ZNF778: variants seen among roughly 807,000 people sequenced by gnomAD.
ZNF778 encodes zinc finger protein 778.
In ZNF778, 37 loss-of-function variants were observed where a neutral mutation model predicts 23.9. The observed-to-expected ratio is 1.54, with a 90% CI of 1.19 to 2.03. The LOEUF (loss-of-function observed/expected upper bound fraction) is 2.03, where lower values mean the gene tolerates loss of function less well. Ranked by LOEUF, ZNF778 falls within the 30% of genes most tolerant of loss-of-function variation. ZNF778 has a pLI of 0.00. For synonymous variants in ZNF778, 483 were observed against 343.9 expected, an observed-to-expected ratio of 1.40 and a Z score of -4.48; for missense variants, 1,297 against 934.4, an observed-to-expected ratio of 1.39 and a Z score of -5.06.
rs1224487256 is a variant in ZNF778 at position 89,223,198 on chromosome 16, G to C, written c.159G>C (p.Gln53His). The C allele has an allele frequency of 6.2e-7, 1 of 1,613,962 alleles. No homozygotes were observed. Among genetic ancestry groups the C allele is most frequent in the Non-Finnish European group, 8.5e-7 (1 of 1,180,002 alleles). Reference protein sequence around the residue: ...TFDDVAVDFTQEEWTLLDPSQ... With the variant: ...TFDDVAVDFTHEEWTLLDPSQ... ...ACGACGTGGCTGTGGACTTCACCCA[G>C]GAGGAATGGACTTTACTGGACCCAT... The change falls in exon 4 of 7, where the codon CAG becomes CAC. Residue 53 changes from glutamine (Q) to histidine (H), a missense_variant. Coordinates refer to ENST00000433976, the MANE Select transcript of ZNF778 (RefSeq NM_001201407.2).
rs61078268 is a variant in ZNF778 at position 89,232,792 on chromosome 16, C to A, written c.*4230C>A. On this transcript the variant is annotated 3_prime_UTR_variant, in exon 7 of 7. Coordinates refer to ENST00000433976, the MANE Select transcript of ZNF778 (RefSeq NM_001201407.2). ...TACAAATCAACTCACTGCATATGCA[C>A]ATCAACTCACTGCATATGCAACTCA... is the stretch of plus-strand genomic sequence containing the variant. 0.88 allele frequency: 1,123,148 copies of A among 1,271,864 alleles called. 497,782 individuals carry two copies. The highest frequency in any genetic ancestry group is 0.91 in the Non-Finnish European group (887,132 of 978,206). 78.8% of individuals were successfully genotyped at this position (1,271,864 alleles called of 1,614,324 possible).
chr16:89,221,179 G>A, intron 2 of ZNF778, 27 bp downstream of exon 2: 1 of 1,540,210 alleles, frequency 6.5e-7, no homozygotes, highest in Non-Finnish European at 8.7e-7. Context: ...CTCCTTCTCA[G>A]AGCCTCTGCT....
chr16:89,220,758 G>T (rs1321112821), intron 1 of ZNF778, among the ~76,000 whole-genome samples: 6 of 152,174 alleles, frequency 3.9e-5, no homozygotes, highest in Non-Finnish European at 8.8e-5. Context: ...CATGTTATCT[G>T]AATCCAGGCT....
Position 89,232,565 on chromosome 16 carries a change from G to T in ZNF778, c.*4003G>T. ...CTTAGGGCAACTTATGCCCTCCTGT[G>T]TGAAAATCTCCACTCCCAATGTCTG... On this transcript the variant is annotated 3_prime_UTR_variant, in exon 7 of 7. Transcript: ENST00000433976. 1 of 1,139,072 alleles carries T rather than the reference G, an allele frequency of 8.8e-7. No individual in the cohort carries two copies. The highest frequency in any genetic ancestry group is 1.6e-5 in the South Asian group (1 of 62,294). 70.6% of individuals were successfully genotyped at this position (1,139,072 alleles called of 1,614,324 possible).
intron 1 of ZNF778, among the ~76,000 whole-genome samples, chr16:89,220,202 C>T (rs898902460): frequency 5.9e-5 from 9 of 152,270 alleles, no homozygotes; most frequent in South Asian, 4.1e-4. Context: ...TCGCCCCCGC[C>T]GACACCTAGT....
At chr16:89,218,566 T>C (rs997899648) in intron 1 of ZNF778, among the ~76,000 whole-genome samples, 1 of 151,416 alleles carries the variant, frequency 6.6e-6, no homozygotes, top group African/African-American at 2.4e-5. Context: ...CCGAGGCGGG[T>C]GGATCACGAG....
intron 1 of ZNF778, among the ~76,000 whole-genome samples, chr16:89,220,159 C>G (rs1458259478): frequency 6.6e-6 from 1 of 152,178 alleles, no homozygotes; most frequent in Admixed American, 6.5e-5. Flanking sequence ...ACAACAAAGT[C>G]AACACATTTG....
chr16:89,218,334 C>G (rs926738176), intron 1 of ZNF778: 1 of 152,228 alleles, frequency 6.6e-6, no homozygotes, highest in African/African-American at 2.4e-5. Context: ...CATGTTTTCT[C>G]TCTCCCCCAA....
chr16:89,226,869 G>A lies in ZNF778; in HGVS notation c.581G>A (p.Gly194Glu). ...IPCQKTLFKIGEQFSVLGQCG... is the reference protein window; with the variant it reads ...IPCQKTLFKIEEQFSVLGQCG... The stretch of plus-strand genomic sequence containing the variant: ...TGCCAGAAAACCTTGTTCAAAATTG[G>A]AGAGCAGTTTTCCGTGTTGGGTCAG... Residue 194 changes from glycine to glutamate, a missense_variant, in exon 7 of 7, where the codon GGA (glycine) becomes GAA (glutamate). By Grantham distance (98) the Gly-to-Glu change is moderately conservative. Transcript: ENST00000433976. 6.2e-7 allele frequency: 1 copy of A among 1,614,022 alleles called. No individual in the cohort carries two copies. The highest frequency in any genetic ancestry group is 8.5e-7 in the Non-Finnish European group (1 of 1,179,900).
chr16:89,226,962 T>C lies in ZNF778; in HGVS notation c.674T>C (p.Leu225Pro). 6.2e-7 allele frequency: 1 copy of C among 1,614,046 alleles called. No individual in the cohort carries two copies. The highest frequency in any genetic ancestry group is 8.5e-7 in the Non-Finnish European group (1 of 1,179,904). ...CAAGCATGCACTCGGGACAGATCTC[T>C]TGACTACAGCAGCTGTGGGGAAGTG... is the stretch of plus-strand genomic sequence containing the variant. The part of the protein sequence containing the change: ...SQQACTRDRS[L>P]DYSSCGEVFL... Residue 225 changes from leucine to proline, a missense_variant, in exon 7 of 7, where the codon CTT (leucine) becomes CCT (proline). Leu to Pro is a moderately conservative substitution (Grantham distance 98). Transcript: ENST00000433976.
rs541785140 is a variant in ZNF778, at chr16:89,221,088, C to T, written c.-40C>T. 3.8e-6 allele frequency: 6 copies of T among 1,559,962 alleles called. No homozygotes were observed. The East Asian group carries it at 1.4e-4, about 37-fold the overall frequency. Reference sequence around the variant, plus strand: ...AGCTGCCCTGCAGTGGCCTTGGCTTCAGGAAAGGAGCATTCAGACGCTTCC... The same window carrying T: ...AGCTGCCCTGCAGTGGCCTTGGCTTTAGGAAAGGAGCATTCAGACGCTTCC... On this transcript the variant is annotated 5_prime_UTR_variant, in exon 2 of 7. Transcript: ENST00000433976.
Position 89,232,659 on chromosome 16 carries a change from TAGGGTACA to T in ZNF778, c.*4098_*4105del. On this transcript the variant is annotated 3_prime_UTR_variant, in exon 7 of 7. Coordinates refer to ENST00000433976, the MANE Select transcript of ZNF778 (RefSeq NM_001201407.2). Reference sequence around the variant, plus strand: ...TTAATTATGTTTTTTTTTTTTTTGTTAGGGTACATTTTCATCCTGGGGTCTTGCTGTGG... The same window carrying T: ...TTAATTATGTTTTTTTTTTTTTTGTTTTTTCATCCTGGGGTCTTGCTGTGG... 2.5e-6 allele frequency: 3 copies of T among 1,207,574 alleles called. No individual in the cohort carries two copies. Among genetic ancestry groups the T allele is most frequent in the African/African-American group, 1.6e-5 (1 of 63,186 alleles). The allele number at this position is 1,207,574 out of a possible 1,614,324, so 74.8% of individuals were successfully genotyped here.
rs1184358830 is a variant in ZNF778, at chr16:89,228,038, A to G, written c.1750A>G (p.Thr584Ala). ...SCLNKHIQIHTGIKPYECKDC... is the reference protein window; with the variant it reads ...SCLNKHIQIHAGIKPYECKDC... ...CCTGAATAAGCACATTCAGATTCAC[A>G]CTGGAATAAAACCTTATGAATGTAA... The change falls in exon 7 of 7, where the codon ACT (threonine) becomes GCT (alanine). Residue 584 changes from threonine to alanine, a missense_variant. Transcript: ENST00000433976. 15 of 1,589,360 alleles carry G rather than the reference A, an allele frequency of 9.4e-6. No individual in the cohort carries two copies. Among genetic ancestry groups the G allele is most frequent in the Admixed American group, 1.7e-5 (1 of 57,876 alleles).
chr16:89,232,507 C>A lies in ZNF778; in HGVS notation c.*3945C>A. The A allele has an allele frequency of 1.6e-6, 1 of 624,712 alleles. No homozygotes were observed. The highest frequency in any genetic ancestry group is 2.3e-6 in the Non-Finnish European group (1 of 430,120). The allele number at this position is 624,712 out of a possible 1,614,324, so 38.7% of individuals were successfully genotyped here. On this transcript the variant is annotated 3_prime_UTR_variant, in exon 7 of 7. Coordinates refer to ENST00000433976, the MANE Select transcript of ZNF778 (RefSeq NM_001201407.2). ...ACTGGTTAGGCAGATACCTGTATTTCTCTTCCTAACTCTCAGAACGTGTTC... is the reference window on the plus strand; with the variant it reads ...ACTGGTTAGGCAGATACCTGTATTTATCTTCCTAACTCTCAGAACGTGTTC...
intron 1 of ZNF778, chr16:89,218,196 A>G (rs2090894310): frequency 6.6e-6 from 1 of 152,232 alleles, no homozygotes; most frequent in South Asian, 2.1e-4. Flanking sequence ...TCCACGGTGA[A>G]CAGTGTGTTT....
chr16:89,224,338 G>A (rs995737865), intron 4 of ZNF778, among the ~76,000 whole-genome samples: 5 of 152,316 alleles, frequency 3.3e-5, no homozygotes, highest in East Asian at 1.9e-4. Context: ...ACTCTGGGAC[G>A]CCAGACGCAG....
Position 89,229,181 on chromosome 16 carries a change from G to A in ZNF778, c.*619G>A. ...CAGCCTGGCTAACAGTAGGCCTTGA[G>A]GACTCAGATGTGATCCTGTGTGAGC... On this transcript the variant is annotated 3_prime_UTR_variant, in exon 7 of 7. Coordinates refer to ENST00000433976, the MANE Select transcript of ZNF778 (RefSeq NM_001201407.2). The A allele has an allele frequency of 2.0e-6, 2 of 985,900 alleles. No homozygotes were observed. Among genetic ancestry groups the A allele is most frequent in the Non-Finnish European group, 2.4e-6 (2 of 830,298 alleles). 61.1% of individuals were successfully genotyped at this position (985,900 alleles called of 1,614,324 possible).
Position 89,217,727 on chromosome 16 carries a change from T to G in ZNF778, c.-315T>G, listed in dbSNP as rs930168589. On this transcript the variant is annotated 5_prime_UTR_variant, in exon 1 of 7. Coordinates refer to ENST00000433976, the MANE Select transcript of ZNF778 (RefSeq NM_001201407.2). ...CCTGTCTTACAGCTGATCCGGTTCT[T>G]GCGGCGGTGCGTGCTGGCGCCGGAG... The G allele has an allele frequency of 3.3e-5, 5 of 152,206 alleles. No individual in the cohort carries two copies. The highest frequency in any genetic ancestry group is 1.2e-4 in the African/African-American group (5 of 41,444). The allele number at this position is 152,206 out of a possible 1,614,324, so 9.4% of individuals were successfully genotyped here.
Position 89,222,197 on chromosome 16 carries a change from G to T in ZNF778, c.117+14G>T, listed in dbSNP as rs1370016939. 2.5e-6 allele frequency: 4 copies of T among 1,584,164 alleles called. No homozygotes were observed. In the African/African-American group the frequency reaches 5.4e-5, roughly 21 times the overall value. On this transcript the variant is annotated intron_variant, in intron 3 of 6. Transcript: ENST00000433976. ...AATTGTTACCAGGTATGCCAAAACTGTATTTTTTCTTAAAATAACATACTG... is the reference window on the plus strand; with the variant it reads ...AATTGTTACCAGGTATGCCAAAACTTTATTTTTTCTTAAAATAACATACTG...
Sources: allele counts gnomAD v4.1 joint callset (sites outside exome capture counted in the v4.1 genomes callset), GRCh38; gene constraint gnomAD v4.1.1; transcripts MANE v1.5; gene names NCBI Gene and HGNC (gene_info 2026-07-23, HGNC 2026-07-21).